CMIP: variants seen among roughly 807,000 people sequenced by gnomAD.
CMIP encodes c-Maf inducing protein.
Under a neutral mutation model 97.3 loss-of-function variants are expected in CMIP, and 13 were observed. The ratio of observed to expected loss-of-function variants is 0.13; its 90% CI spans 0.09 to 0.21. The LOEUF is 0.21. CMIP is among the 10% of genes least tolerant of loss of function. The pLI is 1.00. For synonymous variants in CMIP, 538 were observed against 436.3 expected (o/e 1.23, Z -2.91); for missense variants, 847 against 1,024.9 (o/e 0.83, Z 2.37).
At chr16:81,508,693 T>G (rs1372411701) in intron 1 of CMIP, among the ~76,000 whole-genome samples, 2 of 152,234 alleles carry the variant, frequency 1.3e-5, no homozygotes, top group Non-Finnish European at 2.9e-5. Flanking sequence ...ATTGGGAGTT[T>G]CAGCACTCTC....
chr16:81,660,107 C>T (rs1156583432), intron 5 of CMIP, among the ~76,000 whole-genome samples: 1 of 152,112 alleles, frequency 6.6e-6, no homozygotes, highest in Non-Finnish European at 1.5e-5. Context: ...CAAACCCCAG[C>T]TGTGGTCCGG....
rs910987473 is a variant in CMIP, at chr16:81,652,647, C to T, written c.639+283C>T. ...TAGTCCCATCCCCATCTCTGTCTTC[C>T]CCTAGCAGTGGCCCACATGAGCTCC... On this transcript the variant is annotated intron_variant, in intron 4 of 20. Transcript: ENST00000537098. The surrounding 1 kb of genome is among the most constrained non-coding windows in gnomAD (Gnocchi z 5.2). Among the ~76,000 whole-genome samples the T allele has an allele frequency of 6.6e-5, 10 of 152,130 alleles. No individual in the cohort carries two copies. Among genetic ancestry groups the T allele is most frequent in the African/African-American group, 2.4e-4 (10 of 41,418 alleles).
intron 3 of CMIP, among the ~76,000 whole-genome samples, chr16:81,635,191 G>A (rs1318797400): frequency 6.6e-6 from 1 of 152,034 alleles, no homozygotes; most frequent in Non-Finnish European, 1.5e-5. Context: ...TTAATAAGAG[G>A]TGTTCCCCAC....
intron 1 of CMIP, among the ~76,000 whole-genome samples, chr16:81,484,721 G>A (rs1258882776): frequency 6.6e-6 from 1 of 152,154 alleles, no homozygotes; most frequent in Non-Finnish European, 1.5e-5. Context: ...TCCAGTACTC[G>A]GCGTGCTCTG....
At chr16:81,460,443 G>C (rs1453926135) in intron 1 of CMIP, among the ~76,000 whole-genome samples, 3 of 152,150 alleles carry the variant, frequency 2.0e-5, no homozygotes, top group Admixed American at 2.0e-4. Flanking sequence ...GAAATACATG[G>C]GGGAGAAATG....
chr16:81,552,624 G>A (rs946268098), intron 1 of CMIP, among the ~76,000 whole-genome samples: 15 of 152,072 alleles, frequency 9.9e-5, no homozygotes, highest in African/African-American at 3.6e-4. Context: ...GGACCAACTC[G>A]ACAATCTGGG....
At chr16:81,484,203 C>A (rs1052876781) in intron 1 of CMIP, among the ~76,000 whole-genome samples, 2 of 152,126 alleles carry the variant, frequency 1.3e-5, no homozygotes, top group East Asian at 1.9e-4. Flanking sequence ...CCTTCCCTGG[C>A]GGACCTCGCC....
intron 1 of CMIP, among the ~76,000 whole-genome samples, chr16:81,511,656 G>A (rs931124851): frequency 6.6e-6 from 1 of 152,184 alleles, no homozygotes; most frequent in Non-Finnish European, 1.5e-5. Context: ...AACTTCCCAG[G>A]CTCAGATGAT....
rs2091879310 is a variant in CMIP, at chr16:81,614,377, T to A, written c.427-6499T>A. Among the ~76,000 whole-genome samples the A allele has an allele frequency of 6.6e-6, 1 of 152,084 alleles. No individual in the cohort carries two copies. Among genetic ancestry groups the A allele is most frequent in the Non-Finnish European group, 1.5e-5 (1 of 68,006 alleles). The stretch of plus-strand genomic sequence containing the variant: ...GGGAGTGTGCCAAGCGGTGCACGGG[T>A]TCTCAGGGGCTCCCACGCGCGGGCC... On this transcript the variant is annotated intron_variant, in intron 2 of 20. Transcript: ENST00000537098. The surrounding 1 kb of genome is among the most constrained non-coding windows in gnomAD (Gnocchi z 5.3).
chr16:81,479,384 G>A (rs1372400783), intron 1 of CMIP, among the ~76,000 whole-genome samples: 5 of 152,134 alleles, frequency 3.3e-5, no homozygotes, highest in Admixed American at 3.3e-4. Flanking sequence ...ATTTTAACCA[G>A]TTTTAAGTGT....
chr16:81,506,326 C>G (rs1394732863), intron 1 of CMIP, among the ~76,000 whole-genome samples: 1 of 152,132 alleles, frequency 6.6e-6, no homozygotes, highest in Non-Finnish European at 1.5e-5. Flanking sequence ...GCAAGGGCCC[C>G]CAGAGAAGTT....
chr16:81,696,793 A>C, intron 14 of CMIP, 126 bp downstream of exon 14: 1 of 790,906 alleles, frequency 1.3e-6, no homozygotes, highest in Non-Finnish European at 2.0e-6. Flanking sequence ...CACAGTGCTG[A>C]TCATGAAGGT....
intron 1 of CMIP, among the ~76,000 whole-genome samples, chr16:81,474,722 C>G (rs529926795): frequency 6.6e-6 from 1 of 152,366 alleles, no homozygotes; most frequent in Non-Finnish European, 1.5e-5. Flanking sequence ...TCATGGCGCC[C>G]TCCTCCTGGG....
intron 1 of CMIP, among the ~76,000 whole-genome samples, chr16:81,556,537 G>A (rs192464843): frequency 2.8e-4 from 43 of 152,262 alleles, no homozygotes; most frequent in Admixed American, 1.9e-3. Context: ...CCCTCCTAAT[G>A]GGCATGAGGC....
chr16:81,664,415 G>A (rs1204625187), intron 7 of CMIP, 66 bp downstream of exon 7: 1 of 1,463,966 alleles, frequency 6.8e-7, no homozygotes, highest in Non-Finnish European at 9.3e-7. Context: ...GCGCCTCCCT[G>A]GCCTTTTGCG....
intron 20 of CMIP, among the ~76,000 whole-genome samples, chr16:81,708,838 T>C (rs1217270804): frequency 6.6e-6 from 1 of 152,152 alleles, no homozygotes; most frequent in African/African-American, 2.4e-5. Context: ...TGGGGAGCCA[T>C]TGAGGGTTGT....
rs1461547625 is a variant in CMIP at position 81,652,841 on chromosome 16, G to A, written c.639+477G>A. Among the ~76,000 whole-genome samples the A allele has an allele frequency of 6.6e-6, 1 of 152,152 alleles. No homozygotes were observed. The highest frequency in any genetic ancestry group is 1.5e-5 in the Non-Finnish European group (1 of 68,036). On this transcript the variant is annotated intron_variant, in intron 4 of 20. Coordinates refer to ENST00000537098, the MANE Select transcript of CMIP (RefSeq NM_198390.3). This position sits in a 1 kb window ranked among gnomAD's most constrained non-coding sequence, Gnocchi z 5.2. Reference sequence around the variant, plus strand: ...AAAATCCAGCCGCGGTTTGCAGCTGGTGCTACCTGATGCCACCCGTCGGCT... The same window carrying A: ...AAAATCCAGCCGCGGTTTGCAGCTGATGCTACCTGATGCCACCCGTCGGCT...
At chr16:81,451,450 G>A (rs1341779157) in intron 1 of CMIP, among the ~76,000 whole-genome samples, 2 of 152,188 alleles carry the variant, frequency 1.3e-5, no homozygotes, top group Non-Finnish European at 1.5e-5. Context: ...TATCAGCAGC[G>A]TGGGAACGGA....
chr16:81,524,632 G>A (rs2090092511), intron 1 of CMIP, among the ~76,000 whole-genome samples: 2 of 152,234 alleles, frequency 1.3e-5, no homozygotes, highest in Admixed American at 1.3e-4. Flanking sequence ...GAGAGGTGAA[G>A]TAACTTGCCC....
Sources: allele counts gnomAD v4.1 joint callset (sites outside exome capture counted in the v4.1 genomes callset), GRCh38; gene constraint gnomAD v4.1.1; non-coding constraint Gnocchi (gnomAD v3.1); transcripts MANE v1.5; gene names NCBI Gene and HGNC (gene_info 2026-07-23, HGNC 2026-07-21).